Variants in PCDHGA2 observed in about 807,000 individuals in gnomAD.
PCDHGA2 encodes protocadherin gamma subfamily A, 2.
Under a neutral mutation model 59.2 loss-of-function variants are expected in PCDHGA2, and 40 were observed. That is an observed-to-expected ratio of 0.68 (90% confidence interval 0.52 to 0.88). PCDHGA2 has a LOEUF of 0.88. Ranked by LOEUF, PCDHGA2 falls within the 40% of genes least tolerant of loss-of-function variation. The pLI is 0.00. For missense variants in PCDHGA2, 1,226 were observed against 1,204.0 expected (o/e 1.02, Z -0.27); for synonymous variants, 560 against 526.0 (o/e 1.06, Z -0.89).
Position 141,485,666 on chromosome 5 carries a change from A to C in PCDHGA2, c.2425-9141A>C. 1.2e-6 allele frequency: 2 copies of C among 1,612,786 alleles called. No homozygotes were observed. Among genetic ancestry groups the C allele is most frequent in the Non-Finnish European group, 1.7e-6 (2 of 1,178,960 alleles). ...GGCTCAGGATGCAGATGTGGGGAGCAATTCGATTAGCAGCTATAGGCTGAG... is the reference window on the plus strand; with the variant it reads ...GGCTCAGGATGCAGATGTGGGGAGCCATTCGATTAGCAGCTATAGGCTGAG... On this transcript the variant is annotated intron_variant, in intron 1 of 3. Transcript: ENST00000394576. This position sits in a 1 kb window ranked among gnomAD's most constrained non-coding sequence, Gnocchi z 5.7.
Position 141,489,065 on chromosome 5 carries a change from C to T in PCDHGA2, c.2425-5742C>T, listed in dbSNP as rs558074504. On this transcript the variant is annotated intron_variant, in intron 1 of 3. Coordinates refer to ENST00000394576, the MANE Select transcript of PCDHGA2 (RefSeq NM_018915.4). This position sits in a 1 kb window ranked among gnomAD's most constrained non-coding sequence, Gnocchi z 4.5. ...CCACTCAAATTCAGCTCCCCTCCCC[C>T]CTGCCCACCCCCGCCACTCGGTGAC... 3.3e-5 allele frequency: 13 copies of T among 388,932 alleles called. 1 individual carries two copies. Among genetic ancestry groups the T allele is most frequent in the African/African-American group, 8.5e-5 (4 of 47,158 alleles). 24.1% of individuals were successfully genotyped at this position (388,932 alleles called of 1,614,324 possible).
intron 1 of PCDHGA2, chr5:141,360,602 C>G: frequency 1.2e-6 from 2 of 1,613,964 alleles, no homozygotes; most frequent in Non-Finnish European, 1.7e-6. Flanking sequence ...CCACTTGACC[C>G]AGCCCTGGAT....
chr5:141,415,017 G>A lies in PCDHGA2; in HGVS notation c.2424+73622G>A, dbSNP rs1344566574. ...CCTGGCTGTCCTACCGTCTGCTCAA[G>A]GCCAGCGAGCCGGGACTCTTCGCGG... On this transcript the variant is annotated intron_variant, in intron 1 of 3. Transcript: ENST00000394576. The A allele has an allele frequency of 1.9e-6, 3 of 1,613,574 alleles. No homozygotes were observed. In the Admixed American group the frequency reaches 5.0e-5, roughly 27 times the overall value.
chr5:141,507,296 C>T (rs1020117646), intron 3 of PCDHGA2: 1 of 141,360 alleles, frequency 7.1e-6, no homozygotes, highest in Non-Finnish European at 1.5e-5. Flanking sequence ...TCAAATGTTG[C>T]ATGAGACATA....
chr5:141,354,914 A>G (rs1260517070), intron 1 of PCDHGA2: 3 of 410,088 alleles, frequency 7.3e-6, no homozygotes, highest in African/African-American at 2.0e-5. Context: ...AGAAAAGTGT[A>G]TAAAAAATAA....
Position 141,431,559 on chromosome 5 carries a change from C to T in PCDHGA2, c.2425-63248C>T. 6.2e-7 allele frequency: 1 copy of T among 1,614,158 alleles called. No individual in the cohort carries two copies. On this transcript the variant is annotated intron_variant, in intron 1 of 3. Transcript: ENST00000394576. The surrounding 1 kb of genome is among the most constrained non-coding windows in gnomAD (Gnocchi z 4.8). ...ACGCAGCTGCTTGTAGTCAACGCTA[C>T]CGACCCTGACGAAGGAGTCAATGCG...
In PCDHGA2 at chr5:141,490,858, G is replaced by C. The variant is rs775132338; in HGVS notation, c.2425-3949G>C. On this transcript the variant is annotated intron_variant, in intron 1 of 3. Coordinates refer to ENST00000394576, the MANE Select transcript of PCDHGA2 (RefSeq NM_018915.4). The surrounding 1 kb of genome is among the most constrained non-coding windows in gnomAD (Gnocchi z 5.4). ...GATTGTGGTGGGGGTTCGAGACTCC[G>C]GCTCTCCCCCATTGCATGCCAACAC... The C allele has an allele frequency of 1.5e-5, 24 of 1,613,704 alleles. 1 individual carries two copies. Among genetic ancestry groups the C allele is most frequent in the Non-Finnish European group, 2.0e-5 (24 of 1,179,918 alleles).
At chr5:141,375,348 T>A in intron 1 of PCDHGA2, 1 of 1,613,870 alleles carries the variant, frequency 6.2e-7, no homozygotes, top group Non-Finnish European at 8.5e-7. Flanking sequence ...AACATCACTG[T>A]GACAGCCACG....
rs369352283 is a variant in PCDHGA2 at position 141,374,184 on chromosome 5, C to T, written c.2424+32789C>T. On this transcript the variant is annotated intron_variant, in intron 1 of 3. Coordinates refer to ENST00000394576, the MANE Select transcript of PCDHGA2 (RefSeq NM_018915.4). ...GCCGCGGCAGCGCAGATCCGCTACTCTATTCCCGAGGAGCTGGAGAAAGGC... is the reference window on the plus strand; with the variant it reads ...GCCGCGGCAGCGCAGATCCGCTACTTTATTCCCGAGGAGCTGGAGAAAGGC... The T allele has an allele frequency of 5.0e-6, 8 of 1,613,676 alleles. No homozygotes were observed. In the East Asian group the frequency reaches 1.1e-4, roughly 22 times the overall value.
rs1405190227 is a variant in PCDHGA2 at position 141,341,157 on chromosome 5, G to C, written c.2186G>C (p.Gly729Ala). ...AAGTCACGCCTGCTGCAGGCTTCAG[G>C]AGGCAGCTTGACAGGCATGCAGAGC... is the stretch of plus-strand genomic sequence containing the variant. ...WHKSRLLQAS[G>A]GSLTGMQSSH... The change falls in exon 1 of 4, where the codon GGA (glycine) becomes GCA (alanine). Residue 729 changes from glycine to alanine, a missense_variant. Transcript: ENST00000394576. The C allele has an allele frequency of 1.1e-5, 17 of 1,614,106 alleles. No homozygotes were observed. In the East Asian group the frequency reaches 3.8e-4, roughly 36 times the overall value.
chr5:141,452,358 T>C (rs2098739424), intron 1 of PCDHGA2, among the ~76,000 whole-genome samples: 1 of 152,236 alleles, frequency 6.6e-6, no homozygotes, highest in African/African-American at 2.4e-5. Context: ...CCAAAAGCCT[T>C]GCTTCATTTT....
chr5:141,403,442 G>C (rs565143998), intron 1 of PCDHGA2: 1 of 1,614,024 alleles, frequency 6.2e-7, no homozygotes, highest in East Asian at 2.2e-5. Flanking sequence ...GGATGTTGGC[G>C]TGAACTCCCT....
intron 1 of PCDHGA2, among the ~76,000 whole-genome samples, chr5:141,354,719 G>A (rs1759615571): frequency 6.6e-6 from 1 of 152,042 alleles, no homozygotes; most frequent in African/African-American, 2.4e-5. Context: ...ATGGGCTGTG[G>A]GGATGAACAA....
At chr5:141,386,096 G>C (rs1029162742) in intron 1 of PCDHGA2, 7 of 152,214 alleles carry the variant, frequency 4.6e-5, no homozygotes, top group African/African-American at 1.7e-4. Flanking sequence ...CAGATGAAGT[G>C]TGTCTGTGGG....
At chr5:141,357,570 T>C in intron 1 of PCDHGA2, 1 of 1,614,214 alleles carries the variant, frequency 6.2e-7, no homozygotes, top group Non-Finnish European at 8.5e-7. Flanking sequence ...AAAGCGAGCC[T>C]CTTCTGATAA....
At chr5:141,413,407 CT>C (rs758693256) in intron 1 of PCDHGA2, 3 of 1,613,926 alleles carry the variant, frequency 1.9e-6, no homozygotes, top group Non-Finnish European at 2.5e-6. Flanking sequence ...TAGGACGCAG[CT>C]TTTCTCTCTG....
At chr5:141,423,618 C>T (rs2096760725) in intron 1 of PCDHGA2, 2 of 1,608,284 alleles carry the variant, frequency 1.2e-6, no homozygotes, top group East Asian at 2.2e-5. Flanking sequence ...TAGCTGAAGA[C>T]TCAGCTATCA....
Position 141,491,944 on chromosome 5 carries a change from C to T in PCDHGA2, c.2425-2863C>T, listed in dbSNP as rs1245968796. ...CGAGGGGAGGTGGGACCGACCCCCACCCCTACACTCAAAAAAGGCCGGGGC... is the reference window on the plus strand; with the variant it reads ...CGAGGGGAGGTGGGACCGACCCCCATCCCTACACTCAAAAAAGGCCGGGGC... On this transcript the variant is annotated intron_variant, in intron 1 of 3. Transcript: ENST00000394576. This position sits in a 1 kb window ranked among gnomAD's most constrained non-coding sequence, Gnocchi z 6.9. The T allele has an allele frequency of 1.8e-6, 2 of 1,120,156 alleles. No individual in the cohort carries two copies. Among genetic ancestry groups the T allele is most frequent in the Non-Finnish European group, 2.4e-6 (2 of 822,072 alleles). The allele number at this position is 1,120,156 out of a possible 1,614,324, so 69.4% of individuals were successfully genotyped here. A position where few individuals can be genotyped will look rare whatever the true frequency, so the allele number is the denominator to read the frequency against.
At chr5:141,492,509 C>T (rs1276866000) in intron 1 of PCDHGA2, among the ~76,000 whole-genome samples, 1 of 152,216 alleles carries the variant, frequency 6.6e-6, no homozygotes, top group African/African-American at 2.4e-5. Context: ...CCGGAGCCTC[C>T]TCTCACCTCT....
Sources: gnomAD v4.1 joint callset for allele counts (sites outside exome capture counted in the v4.1 genomes callset) on GRCh38, gnomAD v4.1.1 for gene constraint, Gnocchi (gnomAD v3.1) non-coding constraint, MANE v1.5 for transcripts, NCBI Gene and HGNC (gene_info 2026-07-23, HGNC 2026-07-21) for gene names.